PHTF2: variants seen among roughly 807,000 people sequenced by gnomAD.
PHTF2 encodes the protein putative homeodomain transcription factor 2, also known as protein PHTF2.
PHTF2 carries 60 observed loss-of-function variants against 101.2 expected under a neutral mutation model. The observed-to-expected ratio is 0.59, with a 90% CI of 0.48 to 0.73. The LOEUF is 0.73. PHTF2 is among the 30% of genes least tolerant of loss of function. PHTF2 has a pLI of 0.00. For synonymous variants in PHTF2, 311 were observed against 307.3 expected (o/e 1.01, Z -0.13); for missense variants, 747 against 908.7 (o/e 0.82, Z 2.29).
At chr7:77,949,713 C>T in exon 17 of PHTF2, 2 of 1,575,996 alleles carry the variant, frequency 1.3e-6, no homozygotes, top group Non-Finnish European at 1.7e-6. Context: ...TTGATTGTCA[C>T]TACAATTGGG....
chr7:77,908,743 A>T (rs1366643366), intron 7 of PHTF2, 50 bp from the exon 7 acceptor site: 8 of 1,173,290 alleles, frequency 6.8e-6, no homozygotes, highest in Non-Finnish European at 7.0e-6. Context: ...AGTTTTGAAG[A>T]GGTGACTATC....
chr7:77,860,973 G>A (rs1481428458), intron 3 of PHTF2, among the ~76,000 whole-genome samples: 1 of 152,028 alleles, frequency 6.6e-6, no homozygotes, highest in Non-Finnish European at 1.5e-5. Context: ...CAAATTGTTA[G>A]GATTACAGTC....
At chr7:77,941,561 A>C (rs755664176) in intron 15 of PHTF2, among the ~76,000 whole-genome samples, 1 of 152,170 alleles carries the variant, frequency 6.6e-6, no homozygotes, top group East Asian at 1.9e-4. Context: ...CTACCCTCAT[A>C]CGTAAGCTTA....
At chr7:77,832,677 G>T (rs1795161891) in intron 1 of PHTF2, among the ~76,000 whole-genome samples, 2 of 151,842 alleles carry the variant, frequency 1.3e-5, no homozygotes, top group South Asian at 4.2e-4. Context: ...GAATAGACTG[G>T]ACATAAACAA....
chr7:77,860,475 T>C (rs1797548142), intron 3 of PHTF2, among the ~76,000 whole-genome samples: 1 of 152,198 alleles, frequency 6.6e-6, no homozygotes, highest in East Asian at 1.9e-4. Flanking sequence ...TTAGCAACTT[T>C]GGGTGAGTTT....
At chr7:77,890,123 C>A (rs894383481) in intron 3 of PHTF2, among the ~76,000 whole-genome samples, 1 of 150,890 alleles carries the variant, frequency 6.6e-6, no homozygotes, top group Non-Finnish European at 1.5e-5. Flanking sequence ...TAAAACAAAT[C>A]ATTTTATCCT....
chr7:77,875,513 A>T (rs1798855231), intron 3 of PHTF2, among the ~76,000 whole-genome samples: 1 of 148,634 alleles, frequency 6.7e-6, no homozygotes, highest in South Asian at 2.1e-4. Context: ...ATATTTGTTG[A>T]CTAATAATAA....
At chr7:77,899,500 A>G (rs1405427671) in intron 5 of PHTF2, among the ~76,000 whole-genome samples, 1 of 152,138 alleles carries the variant, frequency 6.6e-6, no homozygotes, top group Non-Finnish European at 1.5e-5. Flanking sequence ...ATATAAAATT[A>G]TCATTGCTAT....
Position 77,940,306 on chromosome 7 carries a change from G to A in PHTF2, c.1740+4G>A. ...AGCAGAAAGAACTTATAAACAGGTG[G>A]GTATAATGTAGACTTCCGAATAAGA... On this transcript the variant is annotated splice_donor_region_variant and intron_variant, in intron 14 of 19. Transcript: ENST00000416283. 1 of 1,590,548 alleles carries A rather than the reference G, an allele frequency of 6.3e-7. No individual in the cohort carries two copies. The highest frequency in any genetic ancestry group is 8.5e-7 in the Non-Finnish European group (1 of 1,170,420).
At chr7:77,928,672 C>A (rs1804286590) in intron 11 of PHTF2, among the ~76,000 whole-genome samples, 1 of 152,170 alleles carries the variant, frequency 6.6e-6, no homozygotes, top group Non-Finnish European at 1.5e-5. Context: ...GTGGGTTCTG[C>A]ATCTCAGGAA....
chr7:77,884,518 G>A (rs1483489801), intron 3 of PHTF2, among the ~76,000 whole-genome samples: 2 of 152,132 alleles, frequency 1.3e-5, no homozygotes, highest in Admixed American at 6.5e-5. Context: ...TTGACAAAGT[G>A]TATTTTCTGA....
At chr7:77,825,259 T>C (rs1312409888) in intron 1 of PHTF2, among the ~76,000 whole-genome samples, 1 of 152,160 alleles carries the variant, frequency 6.6e-6, no homozygotes, top group Non-Finnish European at 1.5e-5. Flanking sequence ...AAGATACTAG[T>C]TGTATATGAC....
intron 1 of PHTF2, among the ~76,000 whole-genome samples, chr7:77,818,112 A>G (rs77716058): frequency 6.7e-6 from 1 of 149,298 alleles, no homozygotes; most frequent in Non-Finnish European, 1.5e-5. Context: ...CTCCGTCTCA[A>G]AAAAAAAAAA....
At chr7:77,898,534 G>A (rs1343095778) in intron 5 of PHTF2, among the ~76,000 whole-genome samples, 2 of 151,966 alleles carry the variant, frequency 1.3e-5, no homozygotes, top group Admixed American at 6.6e-5. Flanking sequence ...TCCATCAGCC[G>A]CTTTATAGTG....
At chr7:77,947,525 T>TG in intron 16 of PHTF2, among the ~76,000 whole-genome samples, 1 of 151,802 alleles carries the variant, frequency 6.6e-6, no homozygotes, top group Admixed American at 6.6e-5. Context: ...ATAACGCCAC[T>TG]GCACTCCAGC....
chr7:77,896,064 TAAAA>T (rs937717747), intron 5 of PHTF2: 2 of 152,136 alleles, frequency 1.3e-5, no homozygotes, highest in African/African-American at 4.8e-5. Context: ...TTTGGGGTGA[TAAAA>T]AAATTTCTAA....
intron 3 of PHTF2, among the ~76,000 whole-genome samples, chr7:77,888,806 A>G (rs922738866): frequency 1.3e-5 from 2 of 152,158 alleles, no homozygotes; most frequent in African/African-American, 4.8e-5. Flanking sequence ...ATGTGACTCA[A>G]TCAAGTCTGC....
rs564561626 is a variant in PHTF2 at position 77,946,231 on chromosome 7, T to C, written c.1959+3445T>C. 2.6e-5 allele frequency among the ~76,000 whole-genome samples: 4 copies of C among 152,314 alleles called. No individual in the cohort carries two copies. In the South Asian group the frequency reaches 6.2e-4, roughly 24 times the overall value. ...TCATATCAATAGATGCAGAAAACAA[T>C]TTGTAAATTTTCAGTGGGCATTCAT... On this transcript the variant is annotated intron_variant, in intron 16 of 19. Transcript: ENST00000416283.
intron 3 of PHTF2, among the ~76,000 whole-genome samples, chr7:77,891,053 G>A (rs58176556): frequency 0.061 from 9,278 of 151,092 alleles, 645 homozygotes; most frequent in African/African-American, 0.17. Flanking sequence ...GACTACAAGG[G>A]CACACTACCA....
Sources: allele counts gnomAD v4.1 joint callset (sites outside exome capture counted in the v4.1 genomes callset), GRCh38; gene constraint gnomAD v4.1.1; transcripts MANE v1.5; gene names NCBI Gene and HGNC (gene_info 2026-07-23, HGNC 2026-07-21).